Variants in TBC1D12 observed in about 807,000 individuals in gnomAD.
TBC1D12 encodes TBC1 domain family, member 12.
Under a neutral mutation model 86.7 loss-of-function variants are expected in TBC1D12, and 56 were observed. The observed-to-expected ratio is 0.65, with a 90% CI of 0.52 to 0.81. The LOEUF (loss-of-function observed/expected upper bound fraction) is 0.81. Among genes scored for constraint, TBC1D12 ranks in the 30% least tolerant of loss-of-function variants. The probability of loss-of-function intolerance (pLI) is 0.00; values close to 1 mark genes in which losing one functional copy is unlikely to be tolerated. For synonymous variants in TBC1D12, 421 were observed against 411.7 expected (o/e 1.02, Z -0.27); for missense variants, 1,023 against 1,038.8 (o/e 0.98, Z 0.21).
At chr10:94,434,401 G>T (rs1240287213) in intron 1 of TBC1D12, among the ~76,000 whole-genome samples, 1 of 151,902 alleles carries the variant, frequency 6.6e-6, no homozygotes, top group Non-Finnish European at 1.5e-5. Context: ...AGCTACTCAG[G>T]GGGCTGAGGC....
chr10:94,521,083 C>T (rs1842139117), intron 9 of TBC1D12, among the ~76,000 whole-genome samples: 1 of 151,598 alleles, frequency 6.6e-6, no homozygotes, highest in South Asian at 2.1e-4. Flanking sequence ...TGGTGGTACA[C>T]ACCCATAGTC....
At chr10:94,521,770 A>G (rs908852436) in intron 9 of TBC1D12, among the ~76,000 whole-genome samples, 185 bp from the exon 10 acceptor site, 5 of 152,190 alleles carry the variant, frequency 3.3e-5, no homozygotes, top group African/African-American at 1.2e-4. Flanking sequence ...CCATATGAAC[A>G]AGAAATTAGG....
At chr10:94,419,987 A>G (rs1032100915) in intron 1 of TBC1D12, among the ~76,000 whole-genome samples, 1 of 152,208 alleles carries the variant, frequency 6.6e-6, no homozygotes, top group Non-Finnish European at 1.5e-5. Context: ...AGTTTTATAA[A>G]TCTGTTAAAT....
chr10:94,529,264 T>C (rs561095705), intron 11 of TBC1D12, among the ~76,000 whole-genome samples: 1 of 152,292 alleles, frequency 6.6e-6, no homozygotes, highest in African/African-American at 2.4e-5. Flanking sequence ...CACATTGGCC[T>C]CCCAAAGGCT....
chr10:94,532,371 G>A (rs1482109917), intron 12 of TBC1D12, among the ~76,000 whole-genome samples: 1 of 152,028 alleles, frequency 6.6e-6, no homozygotes, highest in Non-Finnish European at 1.5e-5. Context: ...TAGAGACGGG[G>A]TTTCACCATG....
intron 1 of TBC1D12, among the ~76,000 whole-genome samples, chr10:94,412,211 T>C (rs576605357): frequency 6.6e-6 from 1 of 152,330 alleles, no homozygotes; most frequent in African/African-American, 2.4e-5. Flanking sequence ...GAGGGTTAAA[T>C]AATATTTTAC....
intron 3 of TBC1D12, among the ~76,000 whole-genome samples, chr10:94,487,694 CT>C (rs35682157): frequency 0.21 from 26,186 of 127,048 alleles, 2,263 homozygotes; most frequent in South Asian, 0.35. Flanking sequence ...TGTTGTTTCT[CT>C]TTTTTTTTTT....
intron 9 of TBC1D12, among the ~76,000 whole-genome samples, chr10:94,516,686 C>T (rs570355695): frequency 3.3e-5 from 5 of 150,226 alleles, no homozygotes; most frequent in East Asian, 2.0e-4. Context: ...TTTGTTCTTG[C>T]GAACAGTTTG....
chr10:94,462,618 T>G (rs1323509934), intron 2 of TBC1D12, among the ~76,000 whole-genome samples: 4 of 152,202 alleles, frequency 2.6e-5, no homozygotes, highest in Non-Finnish European at 5.9e-5. Flanking sequence ...TGTTTCTTCT[T>G]GAGTCAGTTT....
intron 1 of TBC1D12, among the ~76,000 whole-genome samples, chr10:94,436,096 C>A (rs2055291644): frequency 6.6e-6 from 1 of 151,704 alleles, no homozygotes; most frequent in South Asian, 2.1e-4. Context: ...GGCAACTCAG[C>A]CTTGCCTTTT....
At chr10:94,474,437 G>A (rs544869058) in intron 2 of TBC1D12, among the ~76,000 whole-genome samples, 1 of 151,510 alleles carries the variant, frequency 6.6e-6, no homozygotes, top group East Asian at 1.9e-4. Flanking sequence ...AAGTAATCCT[G>A]CCACCTCGGC....
At chr10:94,434,452 G>C (rs983779128) in intron 1 of TBC1D12, among the ~76,000 whole-genome samples, 1 of 150,664 alleles carries the variant, frequency 6.6e-6, no homozygotes, top group African/African-American at 2.4e-5. Context: ...GTTGCAGTGA[G>C]CCAAGACTGT....
chr10:94,477,095 T>C (rs1313529514), intron 3 of TBC1D12, among the ~76,000 whole-genome samples: 1 of 152,138 alleles, frequency 6.6e-6, no homozygotes, highest in Non-Finnish European at 1.5e-5. Context: ...AAAAAGTACT[T>C]TTATTTTCAC....
At chr10:94,447,086 T>C (rs1246413969) in intron 2 of TBC1D12, among the ~76,000 whole-genome samples, 1 of 151,588 alleles carries the variant, frequency 6.6e-6, no homozygotes, top group Non-Finnish European at 1.5e-5. Context: ...ACCTTTTTTA[T>C]GTATTATTAG....
At position 94,531,458 on chromosome 10, in the gene TBC1D12, C is replaced by G. The variant is rs1178657666; in HGVS notation, c.2257C>G (p.Gln753Glu). 6.2e-7 allele frequency: 1 copy of G among 1,607,434 alleles called. No individual in the cohort carries two copies. Among genetic ancestry groups the G allele is most frequent in the Admixed American group, 1.7e-5 (1 of 59,418 alleles). ...GCAGAATAGCACCAAAAAATGGACT[C>G]AGGTAGAGTGACATTTTCTTATCTT... ...QMQNSTKKWTQVFASVMKDIK... is the reference protein window; with the variant it reads ...QMQNSTKKWTEVFASVMKDIK... Residue 753 changes from glutamine (Q) to glutamate (E), a missense_variant and splice_region_variant, in exon 12 of 13, where the codon CAG becomes GAG. Physicochemically the swap from Gln to Glu is conservative, Grantham distance 29. Around this residue, in one of 2 missense-constraint regions of TBC1D12, gnomAD observed 395 missense variants for 507.7 expected, o/e 0.78. Transcript: ENST00000225235.
At chr10:94,475,075 T>A (rs566940892) in intron 3 of TBC1D12, among the ~76,000 whole-genome samples, 1 of 152,232 alleles carries the variant, frequency 6.6e-6, no homozygotes, top group South Asian at 2.1e-4. Context: ...CTGGCCCTAG[T>A]AGAGAGTATA....
chr10:94,532,613 A>G (rs953349992), intron 12 of TBC1D12, among the ~76,000 whole-genome samples: 4 of 152,210 alleles, frequency 2.6e-5, no homozygotes, highest in African/African-American at 9.6e-5. Context: ...CCTACTGTGT[A>G]CTAGGGTTTG....
At chr10:94,485,137 A>G (rs1334827326) in intron 3 of TBC1D12, among the ~76,000 whole-genome samples, 1 of 152,192 alleles carries the variant, frequency 6.6e-6, no homozygotes, top group Non-Finnish European at 1.5e-5. Flanking sequence ...ACTATGTTGA[A>G]TAACAGTGGT....
At chr10:94,520,107 A>G (rs1842103746) in intron 9 of TBC1D12, among the ~76,000 whole-genome samples, 1 of 152,248 alleles carries the variant, frequency 6.6e-6, no homozygotes, top group South Asian at 2.1e-4. Flanking sequence ...GAACAAAGAA[A>G]TAATTGGATT....
Sources: gnomAD v4.1 joint callset for allele counts (sites outside exome capture counted in the v4.1 genomes callset) on GRCh38, gnomAD v4.1.1 for gene constraint, gnomAD v4.1.1 regional missense constraint, MANE v1.5 for transcripts, NCBI Gene and HGNC (gene_info 2026-07-23, HGNC 2026-07-21) for gene names.